Variants in PLPP4 observed in about 807,000 individuals in gnomAD.
PLPP4 encodes the protein phospholipid phosphatase 4.
A neutral mutation model predicts 32.2 loss-of-function variants in PLPP4; 20 were observed. The observed-to-expected ratio is 0.62, with a 90% confidence interval of 0.44 to 0.90. PLPP4 has a LOEUF of 0.90. PLPP4 is among the 40% of genes least tolerant of loss of function. PLPP4 has a pLI of 0.00. For synonymous variants in PLPP4, 127 were observed against 133.0 expected (o/e 0.95, Z 0.31); for missense variants, 257 against 353.1 (o/e 0.73, Z 2.18).
At chr10:120,460,031 C>G (rs562195952) in intron 1 of PLPP4, among the ~76,000 whole-genome samples, 4 of 152,130 alleles carry the variant, frequency 2.6e-5, no homozygotes, top group Admixed American at 6.5e-5. Flanking sequence ...CAGGCACCCC[C>G]GCTCCCGCAA....
chr10:120,500,163 G>A (rs1845174746), intron 1 of PLPP4, among the ~76,000 whole-genome samples: 1 of 152,160 alleles, frequency 6.6e-6, no homozygotes. Flanking sequence ...GGTAGAGTGA[G>A]GGATTGTGCA....
chr10:120,569,354 G>A (rs757931486), intron 5 of PLPP4, among the ~76,000 whole-genome samples: 8 of 151,982 alleles, frequency 5.3e-5, no homozygotes, highest in East Asian at 1.9e-4. Context: ...CCTTCCTCCC[G>A]CTATCATTTT....
At chr10:120,467,223 C>G (rs112736008) in intron 1 of PLPP4, among the ~76,000 whole-genome samples, 9,823 of 61,946 alleles carry the variant, frequency 0.16, 4,031 homozygotes, top group South Asian at 0.51. Context: ...GGACTACAGG[C>G]ACCCGCCACC....
chr10:120,550,611 T>G (rs889630354), intron 5 of PLPP4, among the ~76,000 whole-genome samples: 1 of 151,850 alleles, frequency 6.6e-6, no homozygotes, highest in African/African-American at 2.4e-5. Flanking sequence ...GTCAAGAAAT[T>G]GACCCACACC....
intron 6 of PLPP4, among the ~76,000 whole-genome samples, chr10:120,575,776 C>T (rs1235971016): frequency 6.6e-6 from 1 of 152,146 alleles, no homozygotes; most frequent in Non-Finnish European, 1.5e-5. Context: ...CAGCTGCAAG[C>T]CTGGGGTGAG....
In PLPP4 at chr10:120,589,593, T is replaced by G; in HGVS notation, c.*91T>G. On this transcript the variant is annotated 3_prime_UTR_variant, in exon 7 of 7. Transcript: ENST00000398250. ...TAGAAATGGTTTTCTGTAGTGTATT[T>G]TTCATCAGTTGTTTCTCAAAGTCAT... 1.0e-6 allele frequency: 1 copy of G among 999,682 alleles called. No homozygotes were observed. The highest frequency in any genetic ancestry group is 1.5e-6 in the Non-Finnish European group (1 of 684,488). 61.9% of individuals were successfully genotyped at this position (999,682 alleles called of 1,614,324 possible).
At position 120,522,845 on chromosome 10, in the gene PLPP4, ATG is replaced by A. The variant is rs1176622476; in HGVS notation, c.445+1754_445+1755del. Among the ~76,000 whole-genome samples the A allele has an allele frequency of 2.6e-5, 4 of 152,356 alleles. No homozygotes were observed. The East Asian group carries it at 7.7e-4, about 29-fold the overall frequency. ...GTTTGACTGTCGTAATCCTTTCGCT[ATG>A]TGTATTTTTATTTGAAAGAATGAAC... is the stretch of plus-strand genomic sequence containing the variant. On this transcript the variant is annotated intron_variant, in intron 5 of 6. Transcript: ENST00000398250.
intron 1 of PLPP4, among the ~76,000 whole-genome samples, chr10:120,479,875 G>A (rs1377836604): frequency 6.6e-6 from 1 of 152,160 alleles, no homozygotes; most frequent in African/African-American, 2.4e-5. Flanking sequence ...TGAAATAACT[G>A]GAGGTTGTAA....
chr10:120,548,330 C>T (rs1350864544), intron 5 of PLPP4, among the ~76,000 whole-genome samples: 1 of 151,978 alleles, frequency 6.6e-6, no homozygotes, highest in Non-Finnish European at 1.5e-5. Flanking sequence ...ACAAATGGTA[C>T]GTGGTTTTCT....
chr10:120,496,408 G>C (rs1844964236), intron 1 of PLPP4, among the ~76,000 whole-genome samples: 1 of 152,136 alleles, frequency 6.6e-6, no homozygotes, highest in African/African-American at 2.4e-5. Context: ...TTTGGCATAT[G>C]AACTGTGATA....
chr10:120,536,399 C>G (rs752626513), intron 5 of PLPP4, among the ~76,000 whole-genome samples: 8 of 151,956 alleles, frequency 5.3e-5, no homozygotes, highest in African/African-American at 7.2e-5. Context: ...ATAGGGTCAA[C>G]TAATTTTTGA....
intron 5 of PLPP4, among the ~76,000 whole-genome samples, chr10:120,557,232 A>G (rs1048649093): frequency 1.3e-5 from 2 of 152,234 alleles, no homozygotes; most frequent in African/African-American, 4.8e-5. Context: ...TTAGAAAAAT[A>G]AAATAGCAAT....
chr10:120,510,498 C>G (rs1348472058), intron 2 of PLPP4, among the ~76,000 whole-genome samples: 1 of 152,098 alleles, frequency 6.6e-6, no homozygotes, highest in Non-Finnish European at 1.5e-5. Context: ...AGGGAGCATC[C>G]CCACCTTACG....
At chr10:120,502,561 C>T (rs1273893888) in intron 1 of PLPP4, among the ~76,000 whole-genome samples, 1 of 152,146 alleles carries the variant, frequency 6.6e-6, no homozygotes, top group Non-Finnish European at 1.5e-5. Context: ...TGGAGTGTCT[C>T]CTGCCCTCCA....
intron 1 of PLPP4, among the ~76,000 whole-genome samples, chr10:120,467,355 G>A (rs1399726827): frequency 1.6e-5 from 1 of 64,418 alleles, no homozygotes; most frequent in African/African-American, 3.3e-5. Flanking sequence ...CTCCCAAAGT[G>A]CTGGGATTAC....
chr10:120,559,024 A>G (rs145109238), intron 5 of PLPP4, among the ~76,000 whole-genome samples: 23 of 152,340 alleles, frequency 1.5e-4, no homozygotes, highest in Non-Finnish European at 2.8e-4. Flanking sequence ...TAACATGGTC[A>G]GAATTTAGTT....
intron 1 of PLPP4, among the ~76,000 whole-genome samples, chr10:120,485,834 G>T (rs1844422563): frequency 6.6e-6 from 1 of 152,210 alleles, no homozygotes; most frequent in African/African-American, 2.4e-5. Flanking sequence ...CAGTGGGCCT[G>T]CCCCACCCTG....
At position 120,589,317 on chromosome 10, in the gene PLPP4, G is replaced by A; in HGVS notation, c.631G>A (p.Gly211Arg). ...TTCCTGCCTAGATTCCTTTGTGGGT[G>A]GAGTCATCGGCCTCATTTTTGCATA... The part of the protein sequence containing the change: ...KHHWQDSFVG[G>R]VIGLIFAYIC... The change falls in exon 7 of 7, where the codon GGA becomes AGA. Residue 211 changes from glycine to arginine, a missense_variant. By Grantham distance (125) the Gly-to-Arg change is moderately radical. Coordinates refer to ENST00000398250, the MANE Select transcript of PLPP4 (RefSeq NM_001030059.3). 1.9e-6 allele frequency: 3 copies of A among 1,614,132 alleles called. No individual in the cohort carries two copies. The highest frequency in any genetic ancestry group is 2.5e-6 in the Non-Finnish European group (3 of 1,179,992).
intron 5 of PLPP4, among the ~76,000 whole-genome samples, chr10:120,565,486 T>C (rs1030706242): frequency 2.0e-5 from 3 of 152,224 alleles, no homozygotes; most frequent in African/African-American, 7.2e-5. Flanking sequence ...GATGATATTA[T>C]TTCACTGGCT....
Sources: allele counts gnomAD v4.1 joint callset (sites outside exome capture counted in the v4.1 genomes callset), GRCh38; gene constraint gnomAD v4.1.1; transcripts MANE v1.5; gene names NCBI Gene and HGNC (gene_info 2026-07-23, HGNC 2026-07-21).